Variants in AMBRA1 observed in about 807,000 individuals in gnomAD.
AMBRA1 encodes the protein activating molecule in BECN1-regulated autophagy protein 1.
In AMBRA1, 47 loss-of-function variants were observed where a neutral mutation model predicts 125.4. The observed-to-expected ratio is 0.37, with a 90% CI of 0.30 to 0.48. AMBRA1 has a LOEUF of 0.48. Ranked by LOEUF, AMBRA1 falls within the 20% of genes least tolerant of loss-of-function variation. AMBRA1 has a pLI of 0.99. For missense variants in AMBRA1, 1,331 were observed against 1,693.4 expected (o/e 0.79, Z 3.76); for synonymous variants, 626 against 655.5 (o/e 0.95, Z 0.69).
At chr11:46,443,429 T>C in intron 12 of AMBRA1, 59 bp downstream of exon 12, 1 of 1,426,022 alleles carries the variant, frequency 7.0e-7, no homozygotes, top group South Asian at 1.2e-5. Context: ...AATTTTTGAG[T>C]TCTGGCTCAC....
chr11:46,419,986 T>G (rs1309261895), intron 14 of AMBRA1, among the ~76,000 whole-genome samples: 1 of 1,488 alleles, frequency 6.7e-4, no homozygotes, highest in African/African-American at 1.1e-3. Flanking sequence ...CAGCAGCACG[T>G]GTCCTCAATA....
chr11:46,527,602 A>T (rs1952034265), intron 7 of AMBRA1, among the ~76,000 whole-genome samples: 1 of 152,020 alleles, frequency 6.6e-6, no homozygotes, highest in South Asian at 2.1e-4. Context: ...TCAATAACCA[A>T]AAAACCCCAC....
chr11:46,440,716 A>G (rs1337898625), intron 12 of AMBRA1, among the ~76,000 whole-genome samples: 1 of 152,234 alleles, frequency 6.6e-6, no homozygotes, highest in Non-Finnish European at 1.5e-5. Context: ...AGAATGAATT[A>G]CTGGACATGT....
At chr11:46,520,134 C>A (rs565567629) in intron 7 of AMBRA1, among the ~76,000 whole-genome samples, 1 of 142,032 alleles carries the variant, frequency 7.0e-6, no homozygotes, top group Non-Finnish European at 1.5e-5. Flanking sequence ...AGTGAAACTC[C>A]GCCTCGAAAA....
intron 1 of AMBRA1, among the ~76,000 whole-genome samples, chr11:46,574,554 T>G (rs2043885934): frequency 6.6e-6 from 1 of 152,070 alleles, no homozygotes; most frequent in African/African-American, 2.4e-5. Flanking sequence ...TCATTGTAGA[T>G]TCTGGATATT....
intron 17 of AMBRA1, among the ~76,000 whole-genome samples, chr11:46,400,528 G>T: frequency 9.2e-6 from 1 of 108,180 alleles, no homozygotes. Context: ...GTCTCGCTAT[G>T]TCACCTAAAC....
chr11:46,561,296 G>T (rs1022282578), intron 1 of AMBRA1, among the ~76,000 whole-genome samples: 2 of 151,652 alleles, frequency 1.3e-5, no homozygotes, highest in Admixed American at 6.6e-5. Context: ...CAGGAGAATC[G>T]CTTGAACCTA....
intron 11 of AMBRA1, among the ~76,000 whole-genome samples, chr11:46,485,567 C>A (rs1022028422): frequency 1.3e-5 from 2 of 152,202 alleles, no homozygotes; most frequent in Admixed American, 6.5e-5. Flanking sequence ...AGACAGTAAA[C>A]TCCCTGAGGG....
chr11:46,589,120 TA>T (rs2044503230), intron 1 of AMBRA1, among the ~76,000 whole-genome samples: 1 of 152,214 alleles, frequency 6.6e-6, no homozygotes, highest in African/African-American at 2.4e-5. Flanking sequence ...ACCTAGGGCT[TA>T]AACCCAGATC....
At chr11:46,583,664 A>C (rs1218869621) in intron 1 of AMBRA1, among the ~76,000 whole-genome samples, 14 of 132,666 alleles carry the variant, frequency 1.1e-4, no homozygotes, top group South Asian at 8.6e-4. Flanking sequence ...AAAAAAAAAA[A>C]AAAAAAAAAA....
At chr11:46,466,068 T>G (rs1331065900) in intron 11 of AMBRA1, among the ~76,000 whole-genome samples, 1 of 152,194 alleles carries the variant, frequency 6.6e-6, no homozygotes, top group African/African-American at 2.4e-5. Flanking sequence ...GAGAACTGAA[T>G]ATTAAACAGG....
At position 46,542,371 on chromosome 11, in the gene AMBRA1, G is replaced by C. The variant is rs768627603; in HGVS notation, c.1646C>G (p.Pro549Arg). ...ESERPGPSHQ[P>R]TPHSSENNSN... ...GTTGTTCTCACTGCTGTGTGGGGTG[G>C]GCTGGTGGGAAGGGCCTGGCCTCTC... Residue 549 changes from proline (P) to arginine (R), a missense_variant, in exon 7 of 18, where the codon CCC becomes CGC. Around this residue, in one of 4 missense-constraint regions of AMBRA1, gnomAD observed 689 missense variants for 776.5 expected, o/e 0.89. Transcript: ENST00000683756. This position sits in a 1 kb window ranked among gnomAD's most constrained non-coding sequence, Gnocchi z 5.9. 2.5e-6 allele frequency: 4 copies of C among 1,613,974 alleles called. No homozygotes were observed. Among genetic ancestry groups the C allele is most frequent in the Admixed American group, 3.3e-5 (2 of 59,994 alleles).
chr11:46,439,069 G>A (rs1213943899), intron 12 of AMBRA1, among the ~76,000 whole-genome samples: 1 of 152,098 alleles, frequency 6.6e-6, no homozygotes, highest in Non-Finnish European at 1.5e-5. Flanking sequence ...TCAGGAGCTC[G>A]AGACCAGCCT....
chr11:46,502,799 G>A (rs561763269), intron 9 of AMBRA1, among the ~76,000 whole-genome samples: 8 of 152,096 alleles, frequency 5.3e-5, no homozygotes, highest in Non-Finnish European at 8.8e-5. Context: ...GGTGGCTCAC[G>A]CCTGTAATCC....
At chr11:46,530,378 G>A (rs1194734781) in intron 7 of AMBRA1, among the ~76,000 whole-genome samples, 1 of 152,180 alleles carries the variant, frequency 6.6e-6, no homozygotes, top group Admixed American at 6.5e-5. Flanking sequence ...CTGGGAGAAG[G>A]GCTGCCTGCC....
At chr11:46,525,455 T>C (rs1951927005) in intron 7 of AMBRA1, among the ~76,000 whole-genome samples, 1 of 151,016 alleles carries the variant, frequency 6.6e-6, no homozygotes, top group South Asian at 2.1e-4. Context: ...AAAACTTAGA[T>C]GTGTCAAGTC....
intron 11 of AMBRA1, among the ~76,000 whole-genome samples, chr11:46,449,174 G>A (rs777045799): frequency 7.2e-5 from 11 of 152,086 alleles, no homozygotes; most frequent in Admixed American, 7.2e-4. Context: ...ACATCATATT[G>A]GAAGTCCTAG....
intron 11 of AMBRA1, among the ~76,000 whole-genome samples, chr11:46,478,476 G>C (rs949603075): frequency 2.6e-5 from 4 of 151,998 alleles, no homozygotes; most frequent in Admixed American, 6.6e-5. Flanking sequence ...CAGAAATACA[G>C]GGCTATATCC....
intron 14 of AMBRA1, among the ~76,000 whole-genome samples, chr11:46,426,448 G>T (rs1947141474): frequency 6.6e-6 from 1 of 152,150 alleles, no homozygotes; most frequent in African/African-American, 2.4e-5. Flanking sequence ...GCTCAATAAA[G>T]TTTTTTTGAG....
Sources: gnomAD v4.1 joint callset for allele counts (sites outside exome capture counted in the v4.1 genomes callset) on GRCh38, gnomAD v4.1.1 for gene constraint, gnomAD v4.1.1 regional missense constraint, Gnocchi (gnomAD v3.1) non-coding constraint, MANE v1.5 for transcripts, NCBI Gene and HGNC (gene_info 2026-07-23, HGNC 2026-07-21) for gene names.